Variants in AGBL4 observed in about 807,000 individuals in gnomAD.
AGBL4 encodes AGBL carboxypeptidase 4, also known as cytosolic carboxypeptidase 6.
AGBL4 carries 58 observed loss-of-function variants against 66.4 expected under a neutral mutation model. The observed-to-expected ratio is 0.87, with a 90% CI of 0.71 to 1.09. The LOEUF (loss-of-function observed/expected upper bound fraction) is 1.09. AGBL4 is among the 50% of genes least tolerant of loss of function. AGBL4 has a pLI of 0.00. For synonymous variants in AGBL4, 234 were observed against 222.9 expected (o/e 1.05, Z -0.44); for missense variants, 579 against 631.0 (o/e 0.92, Z 0.88).
At chr1:49,226,322 A>ATAT (rs1649905946) in intron 4 of AGBL4, among the ~76,000 whole-genome samples, 1 of 152,238 alleles carries the variant, frequency 6.6e-6, no homozygotes, top group South Asian at 2.1e-4. Flanking sequence ...GTGCACAAAG[A>ATAT]TATTAATATT....
intron 5 of AGBL4, among the ~76,000 whole-genome samples, chr1:48,952,539 CTAAA>C (rs1185183313): frequency 6.6e-6 from 1 of 152,190 alleles, no homozygotes; most frequent in Non-Finnish European, 1.5e-5. Flanking sequence ...AAGCAAGAGA[CTAAA>C]TGAATGGAAT....
chr1:49,549,005 T>C (rs1215106491), intron 3 of AGBL4, among the ~76,000 whole-genome samples: 4 of 152,234 alleles, frequency 2.6e-5, no homozygotes, highest in Admixed American at 6.5e-5. Context: ...GCTAGGAGTG[T>C]TGCATCTTTC....
chr1:49,087,639 A>T (rs1644931820), intron 4 of AGBL4, among the ~76,000 whole-genome samples: 1 of 152,218 alleles, frequency 6.6e-6, no homozygotes. Context: ...GAGGGAGAAA[A>T]ATCAAGTAAC....
chr1:49,909,033 G>A (rs1208916317), intron 1 of AGBL4, among the ~76,000 whole-genome samples: 1 of 152,036 alleles, frequency 6.6e-6, no homozygotes, highest in Non-Finnish European at 1.5e-5. Flanking sequence ...CACAATAGAA[G>A]AAGATGGCCT....
chr1:48,945,452 A>G (rs978184838), intron 5 of AGBL4, among the ~76,000 whole-genome samples: 1 of 152,158 alleles, frequency 6.6e-6, no homozygotes, highest in Non-Finnish European at 1.5e-5. Flanking sequence ...CATTTGCCCA[A>G]ACACCTGGGG....
intron 3 of AGBL4, among the ~76,000 whole-genome samples, chr1:49,483,353 C>T (rs1646996030): frequency 6.6e-6 from 1 of 151,966 alleles, no homozygotes; most frequent in South Asian, 2.1e-4. Flanking sequence ...GAAAATTATT[C>T]CCTGTTCATG....
intron 5 of AGBL4, among the ~76,000 whole-genome samples, chr1:48,914,812 T>C (rs1653449913): frequency 6.6e-6 from 1 of 152,190 alleles, no homozygotes; most frequent in African/African-American, 2.4e-5. Context: ...CCCAACACTG[T>C]CTGACACATA....
intron 4 of AGBL4, among the ~76,000 whole-genome samples, chr1:49,165,977 G>A (rs944746205): frequency 4.6e-5 from 7 of 151,986 alleles, no homozygotes; most frequent in Admixed American, 1.3e-4. Context: ...ATAAGGAAGA[G>A]GGGCCCAGCT....
At chr1:49,916,542 T>A (rs565808440) in intron 1 of AGBL4, among the ~76,000 whole-genome samples, 1 of 151,412 alleles carries the variant, frequency 6.6e-6, no homozygotes, top group East Asian at 1.9e-4. Flanking sequence ...GAAAAAAGAG[T>A]AAAAAGAAAA....
chr1:49,987,411 C>A (rs1659588436), intron 1 of AGBL4, among the ~76,000 whole-genome samples: 1 of 151,952 alleles, frequency 6.6e-6, no homozygotes, highest in Non-Finnish European at 1.5e-5. Flanking sequence ...CAGTTTTTAA[C>A]AACTAAATGG....
chr1:49,602,764 T>C (rs1038989578), intron 3 of AGBL4, among the ~76,000 whole-genome samples: 24 of 151,608 alleles, frequency 1.6e-4, no homozygotes, highest in Non-Finnish European at 2.9e-4. Flanking sequence ...TGATGGCACA[T>C]ATATACCTAT....
At chr1:49,355,934 G>T (rs558789070) in intron 3 of AGBL4, among the ~76,000 whole-genome samples, 3 of 152,064 alleles carry the variant, frequency 2.0e-5, no homozygotes, top group Non-Finnish European at 4.4e-5. Context: ...AAGTTCAACC[G>T]GAGAGACAAT....
intron 5 of AGBL4, among the ~76,000 whole-genome samples, chr1:48,940,495 T>C (rs1322791631): frequency 6.6e-6 from 1 of 152,210 alleles, no homozygotes; most frequent in Non-Finnish European, 1.5e-5. Context: ...CTAGTTGAAT[T>C]AAAAGAGTGG....
chr1:48,536,051 C>T (rs139326905), intron 12 of AGBL4, among the ~76,000 whole-genome samples: 1 of 152,184 alleles, frequency 6.6e-6, no homozygotes, highest in East Asian at 1.9e-4. Flanking sequence ...ACATACCATG[C>T]TAGAGGTATG....
intron 1 of AGBL4, among the ~76,000 whole-genome samples, chr1:49,853,554 G>A (rs1442941872): frequency 6.6e-6 from 1 of 152,086 alleles, no homozygotes; most frequent in Non-Finnish European, 1.5e-5. Context: ...AAGGATATGA[G>A]AGTAAGAATG....
chr1:49,111,262 G>A (rs1004395755), intron 4 of AGBL4, among the ~76,000 whole-genome samples: 2 of 152,042 alleles, frequency 1.3e-5, no homozygotes, highest in Non-Finnish European at 2.9e-5. Flanking sequence ...ACAGGCGCCT[G>A]CCACCACGCC....
chr1:48,842,834 G>C (rs1364224878), intron 6 of AGBL4, among the ~76,000 whole-genome samples: 1 of 152,124 alleles, frequency 6.6e-6, no homozygotes, highest in Non-Finnish European at 1.5e-5. Flanking sequence ...ATATTATTCA[G>C]CTTTAAAAAG....
At chr1:49,798,782 T>C (rs1644790509) in intron 2 of AGBL4, among the ~76,000 whole-genome samples, 2 of 152,200 alleles carry the variant, frequency 1.3e-5, no homozygotes. Flanking sequence ...ATGTTTGTTA[T>C]TTCATTTTCC....
Position 48,533,929 on chromosome 1 carries a change from TC to T in AGBL4, c.*243del. ...GATCTCTATGTTGTAGAAAATAGCATCTGTGCTCACCTGGTTCCGATCTCCT... is the reference window on the plus strand; with the variant it reads ...GATCTCTATGTTGTAGAAAATAGCATTGTGCTCACCTGGTTCCGATCTCCT... On this transcript the variant is annotated 3_prime_UTR_variant, in exon 14 of 14. Transcript: ENST00000371839. The T allele has an allele frequency of 7.5e-6, 4 of 533,536 alleles. No individual in the cohort carries two copies. The highest frequency in any genetic ancestry group is 3.3e-6 in the Non-Finnish European group (1 of 298,968). 33.1% of individuals were successfully genotyped at this position (533,536 alleles called of 1,614,324 possible).
Sources: allele counts gnomAD v4.1 joint callset (sites outside exome capture counted in the v4.1 genomes callset), GRCh38; gene constraint gnomAD v4.1.1; transcripts MANE v1.5; gene names NCBI Gene and HGNC (gene_info 2026-07-23, HGNC 2026-07-21).